CARHSP1: variants seen among roughly 807,000 people sequenced by gnomAD.
CARHSP1 encodes the protein calcium regulated heat stable protein 1.
Under a neutral mutation model 12.5 loss-of-function variants are expected in CARHSP1, and 14 were observed. That is an observed-to-expected ratio of 1.12 (90% CI 0.74 to 1.75). The LOEUF (loss-of-function observed/expected upper bound fraction) is 1.75, where lower values mean the gene tolerates loss of function less well. Ranked by LOEUF, CARHSP1 falls within the 40% of genes most tolerant of loss-of-function variation. The probability of loss-of-function intolerance (pLI) is 0.00; values close to 1 mark genes in which losing one functional copy is unlikely to be tolerated. For missense variants in CARHSP1, 343 were observed against 201.6 expected (o/e 1.70, Z -4.25); for synonymous variants, 161 against 82.0 (o/e 1.96, Z -5.20).
At chr16:8,859,843 T>C (rs1677484) in intron 1 of CARHSP1, 119,554 of 152,592 alleles carry the variant, frequency 0.78, 46,856 homozygotes, top group East Asian at 0.8. Flanking sequence ...CTGGGCATGG[T>C]GGCAGGCACC....
intron 3 of CARHSP1, among the ~76,000 whole-genome samples, chr16:8,856,403 T>G (rs2061109022): frequency 1.3e-5 from 2 of 152,182 alleles, no homozygotes; most frequent in Admixed American, 1.3e-4. Context: ...AGCTCAGAAA[T>G]AAATCTGCAG....
chr16:8,867,378 C>T (rs2061470631), intron 1 of CARHSP1: 1 of 152,344 alleles, frequency 6.6e-6, no homozygotes, highest in Admixed American at 6.5e-5. Context: ...GGCTCGGACG[C>T]TGTGCAGATG....
At chr16:8,868,725 C>T (rs2141135286) in intron 1 of CARHSP1, 1 of 152,114 alleles carries the variant, frequency 6.6e-6, no homozygotes, top group Non-Finnish European at 1.5e-5. Flanking sequence ...GAAGTACTAC[C>T]CGACGTCCGC....
At chr16:8,860,882 C>G (rs1231211033) in intron 1 of CARHSP1, among the ~76,000 whole-genome samples, 1 of 151,526 alleles carries the variant, frequency 6.6e-6, no homozygotes, top group Non-Finnish European at 1.5e-5. Flanking sequence ...GAAAACCAGT[C>G]TCTACTAAAA....
Position 8,855,218 on chromosome 16 carries a change from G to A in CARHSP1, c.390C>T (p.His130=). Residue 130 remains histidine (H), a synonymous_variant, in exon 4 of 4, where the codon CAC becomes CAT. Transcript: ENST00000311052. Reference sequence around the variant, plus strand: ...TCTCATGCTTGGTGCCTGGTGCCAGGTGAGTGATGACGACCTCCACGGCCT... The same window carrying A: ...TCTCATGCTTGGTGCCTGGTGCCAGATGAGTGATGACGACCTCCACGGCCT... The part of the protein sequence containing the change: ...KLQAVEVVIT[H]LAPGTKHETW... 1 of 1,613,158 alleles carries A rather than the reference G, an allele frequency of 6.2e-7. No homozygotes were observed. Among genetic ancestry groups the A allele is most frequent in the Non-Finnish European group, 8.5e-7 (1 of 1,179,404 alleles).
intron 1 of CARHSP1, chr16:8,866,553 T>A: frequency 1.3e-5 from 9 of 716,380 alleles, no homozygotes; most frequent in Non-Finnish European, 1.5e-5. Flanking sequence ...GCGGGTCAGC[T>A]GAGCCCAGAT....
At chr16:8,861,559 T>C (rs1251974763) in intron 1 of CARHSP1, 5 of 1,241,378 alleles carry the variant, frequency 4.0e-6, no homozygotes, top group Admixed American at 2.3e-5. Context: ...ATCCCTGAAA[T>C]GTCAGAACCC....
intron 1 of CARHSP1, among the ~76,000 whole-genome samples, chr16:8,866,992 C>A (rs1310678967): frequency 6.6e-6 from 1 of 152,102 alleles, no homozygotes; most frequent in East Asian, 1.9e-4. Context: ...CCCAAGGGGG[C>A]CTCCAACATT....
intron 1 of CARHSP1, chr16:8,860,309 G>A (rs146488736): frequency 1.8e-5 from 18 of 984,196 alleles, no homozygotes; most frequent in African/African-American, 1.6e-4. Context: ...GGGTCACCAC[G>A]CTGTTATGAA....
At chr16:8,858,150 A>G (rs2061209794) in intron 3 of CARHSP1, 200 bp downstream of exon 3, 1 of 626,642 alleles carries the variant, frequency 1.6e-6, no homozygotes, top group East Asian at 2.8e-5. Context: ...ATCCCCCAAC[A>G]CAGCTCCGTA....
Position 8,857,274 on chromosome 16 carries a change from T to G in CARHSP1, c.281+1076A>C, listed in dbSNP as rs1423151311. On this transcript the variant is annotated intron_variant, in intron 3 of 3. Coordinates refer to ENST00000311052, the MANE Select transcript of CARHSP1 (RefSeq NM_014316.4). The stretch of plus-strand genomic sequence containing the variant: ...TCTTGGGCAGATCTGTTTTTTTTTT[T>G]TTTTTTTTTTTTTTTTTTTTTTTTT... Among the ~76,000 whole-genome samples, 18 of 97,494 alleles carry G rather than the reference T, an allele frequency of 1.8e-4. 3 individuals carry two copies. Among genetic ancestry groups the G allele is most frequent in the East Asian group, 3.1e-4 (1 of 3,234 alleles). 64.0% of individuals were successfully genotyped at this position (97,494 alleles called of 152,430 possible). A position where few individuals can be genotyped will look rare whatever the true frequency, so the allele number is the denominator to read the frequency against.
Position 8,855,228 on chromosome 16 carries a change from ACGACCTCCACG to A in CARHSP1, c.369_379del (p.Val124HisfsTer11). On this transcript the variant is annotated frameshift_variant, in exon 4 of 4. Coordinates refer to ENST00000311052, the MANE Select transcript of CARHSP1 (RefSeq NM_014316.4). LOFTEE classifies it high-confidence loss of function. Reference sequence around the variant, plus strand: ...GGTGCCTGGTGCCAGGTGAGTGATGACGACCTCCACGGCCTGCAGCTTCTCATTCTTGGGTG... The same window carrying A: ...GGTGCCTGGTGCCAGGTGAGTGATGAGCCTGCAGCTTCTCATTCTTGGGTG... The A allele has an allele frequency of 6.2e-7, 1 of 1,613,256 alleles. No individual in the cohort carries two copies. The highest frequency in any genetic ancestry group is 8.5e-7 in the Non-Finnish European group (1 of 1,179,512).
At position 8,858,410 on chromosome 16, in the gene CARHSP1, T is replaced by G; in HGVS notation, c.221A>C (p.Lys74Thr). ...KGVCKCFCRSKGHGFITPADG... is the reference protein window; with the variant it reads ...KGVCKCFCRSTGHGFITPADG... ...AGCTGGAGTAATGAAGCCATGGCCC[T>G]TGGACCGGCAGAAGCATTTGCAGAC... The change falls in exon 3 of 4, where the codon AAG becomes ACG. Residue 74 changes from lysine to threonine, a missense_variant. By Grantham distance (78) the Lys-to-Thr change is moderately conservative. Transcript: ENST00000311052. 1 of 1,614,082 alleles carries G rather than the reference T, an allele frequency of 6.2e-7. No homozygotes were observed. The highest frequency in any genetic ancestry group is 2.2e-5 in the East Asian group (1 of 44,882).
At chr16:8,866,453 A>G in intron 1 of CARHSP1, 4 of 969,304 alleles carry the variant, frequency 4.1e-6, no homozygotes, top group Non-Finnish European at 4.9e-6. Context: ...CTTTGTAAAC[A>G]GACAGAGACA....
rs2061012583 is a variant in CARHSP1 at position 8,853,822 on chromosome 16, ACACTTGTAATCCCAG to A, written c.*1327_*1341del. 1 of 152,252 alleles carries A rather than the reference ACACTTGTAATCCCAG, an allele frequency of 6.6e-6. No individual in the cohort carries two copies. The highest frequency in any genetic ancestry group is 6.5e-5 in the Admixed American group (1 of 15,280). The allele number at this position is 152,252 out of a possible 1,614,324, so 9.4% of individuals were successfully genotyped here. The stretch of plus-strand genomic sequence containing the variant: ...GTTTGCAGGCCGGGCGCGATGGCTC[ACACTTGTAATCCCAG>A]CACTTTGAGAGGCCGAGATGGGCAG... On this transcript the variant is annotated 3_prime_UTR_variant, in exon 4 of 4. Transcript: ENST00000311052.
chr16:8,864,801 C>G (rs2141125450), intron 1 of CARHSP1, among the ~76,000 whole-genome samples: 1 of 152,336 alleles, frequency 6.6e-6, no homozygotes, highest in East Asian at 1.9e-4. Flanking sequence ...AGAAGGGGGC[C>G]TCGGCCGAAA....
chr16:8,856,340 A>T (rs1237594882), intron 3 of CARHSP1, among the ~76,000 whole-genome samples: 1 of 152,096 alleles, frequency 6.6e-6, no homozygotes, highest in Non-Finnish European at 1.5e-5. Context: ...GTTTGTTTTG[A>T]TTGGAGAATC....
intron 1 of CARHSP1, among the ~76,000 whole-genome samples, chr16:8,865,469 G>A (rs4985010): frequency 0.36 from 54,771 of 152,132 alleles, 9,971 homozygotes; most frequent in Middle Eastern, 0.5. Context: ...TAGAAGGCAG[G>A]GGGATAAGAG....
chr16:8,860,132 C>T (rs2061304159), intron 1 of CARHSP1: 1 of 985,348 alleles, frequency 1.0e-6, no homozygotes, highest in Non-Finnish European at 1.2e-6. Flanking sequence ...CTCCAGGGAA[C>T]TGTGGAACAC....
Sources: allele counts gnomAD v4.1 joint callset (sites outside exome capture counted in the v4.1 genomes callset), GRCh38; gene constraint gnomAD v4.1.1; transcripts MANE v1.5; gene names NCBI Gene and HGNC (gene_info 2026-07-23, HGNC 2026-07-21).